COLEC12: variants seen among roughly 807,000 people sequenced by gnomAD.
The protein encoded by COLEC12 is collectin subfamily member 12.
In COLEC12, 33 loss-of-function variants were observed where a neutral mutation model predicts 71.1. The observed-to-expected ratio is 0.46, with a 90% CI of 0.35 to 0.62. COLEC12 has a LOEUF of 0.62. COLEC12 is among the 20% of genes least tolerant of loss of function. COLEC12 has a pLI of 0.00. For synonymous variants in COLEC12, 350 were observed against 353.0 expected (o/e 0.99, Z 0.10); for missense variants, 765 against 916.1 (o/e 0.84, Z 2.13).
chr18:496,008 G>A (rs964538148), intron 1 of COLEC12, among the ~76,000 whole-genome samples: 1 of 152,192 alleles, frequency 6.6e-6, no homozygotes, highest in Non-Finnish European at 1.5e-5. Flanking sequence ...TGGCCTCCCT[G>A]AGAGATTACC....
In COLEC12 at chr18:399,198, G is replaced by A. The variant is rs565972504; in HGVS notation, c.59-41676C>T. On this transcript the variant is annotated intron_variant, in intron 2 of 9. Transcript: ENST00000400256. This position sits in a 1 kb window ranked among gnomAD's most constrained non-coding sequence, Gnocchi z 4.0. ...AAACACTATCCAAAAAACGCACAGC[G>A]GTGTCTGAAGTTGAGATTTTTCTGC... Among the ~76,000 whole-genome samples, 6 of 152,192 alleles carry A rather than the reference G, an allele frequency of 3.9e-5. No homozygotes were observed. The highest frequency in any genetic ancestry group is 5.9e-5 in the Non-Finnish European group (4 of 68,038).
At chr18:369,401 T>TTTTTA (rs1914947325) in intron 2 of COLEC12, among the ~76,000 whole-genome samples, 9 of 132,458 alleles carry the variant, frequency 6.8e-5, no homozygotes, top group South Asian at 4.7e-4. Context: ...TTTTTTATTT[T>TTTTTA]TTTTTATTTT....
intron 2 of COLEC12, among the ~76,000 whole-genome samples, chr18:390,682 C>T (rs1281713864): frequency 6.6e-6 from 1 of 152,086 alleles, no homozygotes; most frequent in Admixed American, 6.5e-5. Flanking sequence ...ATTGCTTGAA[C>T]CTGGGAGGGG....
chr18:444,105 T>C (rs1373490513), intron 2 of COLEC12, among the ~76,000 whole-genome samples: 1 of 152,178 alleles, frequency 6.6e-6, no homozygotes, highest in Non-Finnish European at 1.5e-5. Flanking sequence ...AGGTATTTCT[T>C]TACAGCAATG....
At position 362,101 on chromosome 18, in the gene COLEC12, A is replaced by G. The variant is rs756312953; in HGVS notation, c.59-4579T>C. On this transcript the variant is annotated intron_variant, in intron 2 of 9. Transcript: ENST00000400256. This position sits in a 1 kb window ranked among gnomAD's most constrained non-coding sequence, Gnocchi z 4.6. ...TCCAGCACACTCATCTTTCCCTCCC[A>G]TCCTTCCCCGTGAGCTAGCCCTGTG... Among the ~76,000 whole-genome samples, 3 of 152,154 alleles carry G rather than the reference A, an allele frequency of 2.0e-5. No homozygotes were observed. The highest frequency in any genetic ancestry group is 4.8e-5 in the African/African-American group (2 of 41,446).
chr18:318,361 G>A lies in COLEC12; in HGVS notation c.*1684C>T, dbSNP rs2143390587. 6.6e-6 allele frequency: 1 copy of A among 152,118 alleles called. No individual in the cohort carries two copies. The highest frequency in any genetic ancestry group is 2.1e-4 in the South Asian group (1 of 4,820). The allele number at this position is 152,118 out of a possible 1,614,324, so 9.4% of individuals were successfully genotyped here. ...CCTTGGGAGGGAGAAGGAATCTGTT[G>A]GATGGAAATCTTACCTTTGAGCATC... On this transcript the variant is annotated 3_prime_UTR_variant, in exon 10 of 10. Coordinates refer to ENST00000400256, the MANE Select transcript of COLEC12 (RefSeq NM_130386.3).
chr18:441,065 A>T, intron 2 of COLEC12, among the ~76,000 whole-genome samples: 1 of 145,426 alleles, frequency 6.9e-6, no homozygotes, highest in South Asian at 2.3e-4. Flanking sequence ...TGGCTAACAC[A>T]GTGAAACCCT....
In COLEC12 at chr18:319,755, T is replaced by C. The variant is rs1362812876; in HGVS notation, c.*290A>G. On this transcript the variant is annotated 3_prime_UTR_variant, in exon 10 of 10. Transcript: ENST00000400256. ...ACCTTTTTCTGATTGGAGTGTTCCA[T>C]ACTTTGGAAGACATAATTTGTATAA... 4.6e-6 allele frequency: 2 copies of C among 436,758 alleles called. No homozygotes were observed. Among genetic ancestry groups the C allele is most frequent in the African/African-American group, 2.1e-5 (1 of 46,954 alleles). The allele number at this position is 436,758 out of a possible 1,614,324, so 27.1% of individuals were successfully genotyped here. A position where few individuals can be genotyped will look rare whatever the true frequency, so the allele number is the denominator to read the frequency against.
At chr18:380,572 T>C (rs1489378277) in intron 2 of COLEC12, among the ~76,000 whole-genome samples, 2 of 152,170 alleles carry the variant, frequency 1.3e-5, no homozygotes, top group Non-Finnish European at 2.9e-5. Flanking sequence ...ATTCCACATG[T>C]ACACACATTT....
chr18:476,442 G>A (rs564650413), intron 2 of COLEC12, among the ~76,000 whole-genome samples: 40 of 152,292 alleles, frequency 2.6e-4, no homozygotes, highest in African/African-American at 6.7e-4. Flanking sequence ...AACTCCACCC[G>A]TGATTTTCAC....
intron 8 of COLEC12, among the ~76,000 whole-genome samples, chr18:323,255 G>A (rs1231822211): frequency 2.6e-5 from 4 of 152,110 alleles, no homozygotes; most frequent in Non-Finnish European, 4.4e-5. Flanking sequence ...TACATTGAGT[G>A]GCCTCAATTA....
chr18:499,235 G>A (rs57037834), intron 1 of COLEC12, among the ~76,000 whole-genome samples: 1 of 152,184 alleles, frequency 6.6e-6, no homozygotes, highest in Admixed American at 6.5e-5. Flanking sequence ...AATTCTCTAG[G>A]TAGGCAGTTG....
chr18:396,917 T>A (rs1373982743), intron 2 of COLEC12, among the ~76,000 whole-genome samples: 1 of 152,200 alleles, frequency 6.6e-6, no homozygotes, highest in African/African-American at 2.4e-5. Context: ...TGGACTGCAC[T>A]GAGGGCAGGT....
chr18:482,494 C>T (rs948789672), intron 1 of COLEC12, among the ~76,000 whole-genome samples: 1 of 152,122 alleles, frequency 6.6e-6, no homozygotes, highest in Non-Finnish European at 1.5e-5. Context: ...ATTACTGCCC[C>T]AGCACACAAC....
At chr18:437,761 C>T (rs1289889698) in intron 2 of COLEC12, among the ~76,000 whole-genome samples, 1 of 152,162 alleles carries the variant, frequency 6.6e-6, no homozygotes, top group Non-Finnish European at 1.5e-5. Context: ...CAATAGGTTG[C>T]GTTAAGTGAG....
intron 2 of COLEC12, among the ~76,000 whole-genome samples, chr18:401,508 T>C (rs1015742332): frequency 2.1e-5 from 3 of 141,274 alleles, no homozygotes; most frequent in Non-Finnish European, 4.6e-5. Context: ...CCTGTGAAAG[T>C]ATAATTATTA....
chr18:325,486 G>T (rs1400877895), intron 8 of COLEC12, among the ~76,000 whole-genome samples: 4 of 152,094 alleles, frequency 2.6e-5, no homozygotes, highest in Non-Finnish European at 5.9e-5. Flanking sequence ...TTAGCATTCT[G>T]CTCTGAGCAG....
At chr18:320,584 T>G (rs1567871497) in intron 9 of COLEC12, among the ~76,000 whole-genome samples, 1 of 152,242 alleles carries the variant, frequency 6.6e-6, no homozygotes, top group Non-Finnish European at 1.5e-5. Flanking sequence ...TATGAACAGC[T>G]TTATTGAAAT....
intron 2 of COLEC12, among the ~76,000 whole-genome samples, chr18:393,416 A>G (rs1915504939): frequency 1.0e-5 from 1 of 97,212 alleles, no homozygotes; most frequent in South Asian, 3.3e-4. Context: ...GAGGCACAGC[A>G]AATTTCATAT....
Sources: gnomAD v4.1 joint callset for allele counts (sites outside exome capture counted in the v4.1 genomes callset) on GRCh38, gnomAD v4.1.1 for gene constraint, Gnocchi (gnomAD v3.1) non-coding constraint, MANE v1.5 for transcripts, NCBI Gene and HGNC (gene_info 2026-07-23, HGNC 2026-07-21) for gene names.